Variants in WDPCP observed in about 807,000 individuals in gnomAD.
WDPCP encodes WD repeat-containing and planar cell polarity effector protein fritz homolog.
In WDPCP, 71 loss-of-function variants were observed where a neutral mutation model predicts 93.1. The observed-to-expected ratio is 0.76, with a 90% CI of 0.63 to 0.93. The LOEUF (loss-of-function observed/expected upper bound fraction) is 0.93, where lower values mean the gene tolerates loss of function less well. Ranked by LOEUF, WDPCP falls within the 40% of genes least tolerant of loss-of-function variation. The probability of loss-of-function intolerance (pLI) is 0.00; values close to 1 mark genes in which losing one functional copy is unlikely to be tolerated. For missense variants in WDPCP, 844 were observed against 887.4 expected (o/e 0.95, Z 0.62); for synonymous variants, 315 against 315.0 (o/e 1.00, Z 0.00).
At chr2:63,413,639 T>C (rs1258301782) in intron 9 of WDPCP, among the ~76,000 whole-genome samples, 3 of 151,800 alleles carry the variant, frequency 2.0e-5, no homozygotes, top group Non-Finnish European at 2.9e-5. Context: ...CTACTAAAAA[T>C]ACAAAAAAAT....
intron 2 of WDPCP, among the ~76,000 whole-genome samples, chr2:63,756,234 A>C (rs1039597210): frequency 2.0e-5 from 3 of 152,230 alleles, no homozygotes; most frequent in African/African-American, 7.2e-5. Context: ...GTATATATTC[A>C]TTCTTTTTAA....
chr2:63,758,098 T>G (rs1669995855), intron 2 of WDPCP, among the ~76,000 whole-genome samples: 1 of 152,148 alleles, frequency 6.6e-6, no homozygotes, highest in Admixed American at 6.5e-5. Context: ...TTGTTGGTTT[T>G]TTTTTTTTTT....
chr2:63,453,401 C>T (rs1282668564), intron 6 of WDPCP, among the ~76,000 whole-genome samples: 1 of 152,178 alleles, frequency 6.6e-6, no homozygotes, highest in Non-Finnish European at 1.5e-5. Flanking sequence ...GAGATATGAC[C>T]TCACACCAGT....
intron 10 of WDPCP, chr2:63,403,773 T>C: frequency 2.7e-6 from 1 of 375,756 alleles, no homozygotes; most frequent in Non-Finnish European, 4.9e-6. Context: ...TATTTAGTAG[T>C]GTAGTTTATT....
chr2:63,822,324 GAA>G (rs766801166), intron 1 of WDPCP, among the ~76,000 whole-genome samples: 28 of 151,982 alleles, frequency 1.8e-4, no homozygotes, highest in South Asian at 4.2e-4. Flanking sequence ...TGTTGACACT[GAA>G]GTTGTCAAAA....
intron 1 of WDPCP, among the ~76,000 whole-genome samples, chr2:63,495,422 T>C (rs1403068343): frequency 6.6e-6 from 1 of 152,230 alleles, no homozygotes; most frequent in Non-Finnish European, 1.5e-5. Flanking sequence ...CATCTTACAG[T>C]TAAGTTTTTT....
intron 2 of WDPCP, among the ~76,000 whole-genome samples, chr2:63,663,874 A>G (rs1167908159): frequency 6.6e-6 from 1 of 152,106 alleles, no homozygotes; most frequent in African/African-American, 2.4e-5. Context: ...ATTTTTTTTC[A>G]TGTTTTTAAT....
intron 2 of WDPCP, among the ~76,000 whole-genome samples, chr2:63,656,573 G>A (rs1710168462): frequency 6.6e-6 from 1 of 152,224 alleles, no homozygotes. Flanking sequence ...AAATTACTCA[G>A]GAGCCATGTA....
At chr2:63,533,017 C>G (rs535780347) in intron 1 of WDPCP, among the ~76,000 whole-genome samples, 2 of 152,204 alleles carry the variant, frequency 1.3e-5, no homozygotes, top group African/African-American at 2.4e-5. Context: ...GGAGGAAGAT[C>G]TACCAAACAA....
In WDPCP at chr2:63,236,251, A is replaced by ATACT. The variant is rs551587917; in HGVS notation, c.1915+23052_1915+23055dup. Among the ~76,000 whole-genome samples the ATACT allele has an allele frequency of 2.3e-4, 35 of 152,272 alleles. No homozygotes were observed. The South Asian group carries it at 5.2e-3, about 23-fold the overall frequency. On this transcript the variant is annotated intron_variant, in intron 14 of 17. Coordinates refer to ENST00000272321, the MANE Select transcript of WDPCP (RefSeq NM_015910.7). ...TTACAGTAGCCACACACAAAATAAA[A>ATACT]TACTTAAGAATACACCTAACCAAGA... is the stretch of plus-strand genomic sequence containing the variant.
At chr2:63,213,230 A>T (rs1274312380) in intron 14 of WDPCP, among the ~76,000 whole-genome samples, 5 of 152,152 alleles carry the variant, frequency 3.3e-5, no homozygotes, top group Non-Finnish European at 5.9e-5. Context: ...GAAGTAAAGC[A>T]CTCCTCAGCA....
At chr2:63,615,318 C>CA (rs1709661262) in intron 3 of WDPCP, among the ~76,000 whole-genome samples, 1 of 152,180 alleles carries the variant, frequency 6.6e-6, no homozygotes, top group Non-Finnish European at 1.5e-5. Context: ...GAGATGCCTG[C>CA]AGCCGCACCA....
chr2:63,741,289 A>G (rs978760936), intron 2 of WDPCP, among the ~76,000 whole-genome samples: 2 of 152,006 alleles, frequency 1.3e-5, no homozygotes, highest in Non-Finnish European at 2.9e-5. Context: ...AGTCAGTCTC[A>G]GGTCCCTCGG....
At chr2:63,640,800 T>C (rs1238673565) in intron 3 of WDPCP, among the ~76,000 whole-genome samples, 1 of 152,226 alleles carries the variant, frequency 6.6e-6, no homozygotes, top group African/African-American at 2.4e-5. Context: ...CAAGCATTCA[T>C]TTTTTGTGTT....
chr2:63,400,234 C>T (rs1694042675), intron 10 of WDPCP, among the ~76,000 whole-genome samples: 1 of 152,140 alleles, frequency 6.6e-6, no homozygotes, highest in South Asian at 2.1e-4. Flanking sequence ...GCAAGTGAAT[C>T]ATCATAATAA....
chr2:63,332,590 G>A (rs533357878), intron 12 of WDPCP, among the ~76,000 whole-genome samples: 1 of 152,066 alleles, frequency 6.6e-6, no homozygotes, highest in East Asian at 1.9e-4. Context: ...TTATCTTACT[G>A]TTAAGTTGTA....
chr2:63,277,562 T>C (rs893831019), intron 13 of WDPCP, among the ~76,000 whole-genome samples: 1 of 152,194 alleles, frequency 6.6e-6, no homozygotes, highest in Non-Finnish European at 1.5e-5. Flanking sequence ...TGGAAAAAGA[T>C]ATTCCATGCA....
rs148935924 is a variant in WDPCP at position 63,216,473 on chromosome 2, C to T, written c.1916-41641G>A. 2.1e-3 allele frequency among the ~76,000 whole-genome samples: 321 copies of T among 152,146 alleles called. 8 individuals carry two copies. In the East Asian group the frequency reaches 0.044, roughly 21 times the overall value. On this transcript the variant is annotated intron_variant, in intron 14 of 17. Transcript: ENST00000272321. Reference sequence around the variant, plus strand: ...ATCACAAGGATAGAAAACCAAACACCGCATGTGTTCTCACTTATAGGTGGG... The same window carrying T: ...ATCACAAGGATAGAAAACCAAACACTGCATGTGTTCTCACTTATAGGTGGG...
chr2:63,778,828 C>A lies in WDPCP; in HGVS notation n.308+34794G>T, dbSNP rs554455500. On this transcript the variant is annotated intron_variant and non_coding_transcript_variant, in intron 2 of 4. Transcript: ENST00000467687. ...GCATCCTCTATATAATATTGCCAGT[C>A]CGAAATTTTTGTTCAAGCTTTACTT... Among the ~76,000 whole-genome samples the A allele has an allele frequency of 2.0e-3, 303 of 152,198 alleles. 3 individuals carry two copies. The highest frequency in any genetic ancestry group is 6.3e-3 in the African/African-American group (261 of 41,536).
Sources: gnomAD v4.1 joint callset for allele counts (sites outside exome capture counted in the v4.1 genomes callset) on GRCh38, gnomAD v4.1.1 for gene constraint, MANE v1.5 for transcripts, NCBI Gene and HGNC (gene_info 2026-07-23, HGNC 2026-07-21) for gene names.